TMEM45A: variants seen among roughly 807,000 people sequenced by gnomAD.
TMEM45A encodes the protein transmembrane protein 45A, also known as DNA polymerase-transactivated protein 4.
Under a neutral mutation model 32.0 loss-of-function variants are expected in TMEM45A, and 25 were observed. The observed-to-expected ratio is 0.78, with a 90% CI of 0.57 to 1.09. The LOEUF is 1.09. Among genes scored for constraint, TMEM45A ranks in the 50% least tolerant of loss-of-function variants. The pLI is 0.00. For missense variants in TMEM45A, 302 were observed against 325.0 expected, an observed-to-expected ratio of 0.93 and a Z score of 0.54; for synonymous variants, 122 against 114.8, an observed-to-expected ratio of 1.06 and a Z score of -0.40.
At chr3:100,523,384 T>C (rs1705472672) in intron 1 of TMEM45A, among the ~76,000 whole-genome samples, 1 of 152,208 alleles carries the variant, frequency 6.6e-6, no homozygotes, top group Non-Finnish European at 1.5e-5. Flanking sequence ...TTCATTCATT[T>C]ATTTACTCGT....
intron 1 of TMEM45A, among the ~76,000 whole-genome samples, chr3:100,548,229 G>A (rs865944950): frequency 1.6e-4 from 25 of 152,092 alleles, no homozygotes; most frequent in African/African-American, 5.8e-4. Flanking sequence ...GAACACATCC[G>A]GGCTTATGAC....
At chr3:100,544,255 C>T (rs892945948) in intron 1 of TMEM45A, among the ~76,000 whole-genome samples, 1 of 152,146 alleles carries the variant, frequency 6.6e-6, no homozygotes, top group Non-Finnish European at 1.5e-5. Context: ...TGAGTCTTAT[C>T]TGCATAATCT....
At chr3:100,536,473 T>C (rs138816666) in intron 1 of TMEM45A, among the ~76,000 whole-genome samples, 1 of 152,348 alleles carries the variant, frequency 6.6e-6, no homozygotes, top group East Asian at 1.9e-4. Context: ...AAAGACCTTG[T>C]CTATGTCCTG....
intron 1 of TMEM45A, among the ~76,000 whole-genome samples, chr3:100,521,336 C>G (rs11708520): frequency 1.4e-4 from 21 of 151,792 alleles, no homozygotes; most frequent in Non-Finnish European, 2.5e-4. Context: ...CTCACCGCAA[C>G]CTCTGCCTCC....
chr3:100,500,220 G>T (rs1242345568), intron 1 of TMEM45A, among the ~76,000 whole-genome samples: 1 of 151,956 alleles, frequency 6.6e-6, no homozygotes. Flanking sequence ...ATATACATGG[G>T]ACCATATTTT....
intron 1 of TMEM45A, among the ~76,000 whole-genome samples, chr3:100,511,986 G>T (rs1197424554): frequency 6.6e-6 from 1 of 151,942 alleles, no homozygotes; most frequent in Non-Finnish European, 1.5e-5. Flanking sequence ...AATCCTGAGT[G>T]ACCTACAAAG....
intron 1 of TMEM45A, among the ~76,000 whole-genome samples, chr3:100,552,316 G>A (rs563581191): frequency 6.6e-6 from 1 of 152,266 alleles, no homozygotes; most frequent in East Asian, 1.9e-4. Flanking sequence ...AGAGGCTATT[G>A]AGGAGGACAG....
At chr3:100,518,413 C>T (rs752077771) in intron 1 of TMEM45A, among the ~76,000 whole-genome samples, 6 of 152,170 alleles carry the variant, frequency 3.9e-5, no homozygotes, top group Non-Finnish European at 5.9e-5. Context: ...TCTAGTACAA[C>T]TTGCATACTT....
At chr3:100,542,603 C>T (rs1483382487) in intron 1 of TMEM45A, among the ~76,000 whole-genome samples, 1 of 152,156 alleles carries the variant, frequency 6.6e-6, no homozygotes, top group Non-Finnish European at 1.5e-5. Flanking sequence ...ACATTCATCA[C>T]AGCACCATTC....
chr3:100,565,035 T>C (rs1169722926), intron 4 of TMEM45A, among the ~76,000 whole-genome samples: 2 of 152,152 alleles, frequency 1.3e-5, no homozygotes, highest in African/African-American at 4.8e-5. Context: ...GAAAAGAGTA[T>C]GGGTGGGAGA....
intron 2 of TMEM45A, among the ~76,000 whole-genome samples, 170 bp downstream of exon 2, chr3:100,555,571 G>A (rs1281726656): frequency 6.6e-6 from 1 of 152,130 alleles, no homozygotes; most frequent in Non-Finnish European, 1.5e-5. Context: ...AGTTATTATG[G>A]AAAAGCTTCA....
At chr3:100,537,893 G>A (rs1265340640) in intron 1 of TMEM45A, among the ~76,000 whole-genome samples, 2 of 152,224 alleles carry the variant, frequency 1.3e-5, no homozygotes, top group Non-Finnish European at 2.9e-5. Context: ...GGGTGCCTGT[G>A]ACTGCGCTGA....
chr3:100,537,288 C>A (rs116736513), intron 1 of TMEM45A, among the ~76,000 whole-genome samples: 1,731 of 152,092 alleles, frequency 0.011, 24 homozygotes, highest in African/African-American at 0.039. Flanking sequence ...GGGGGAAAGA[C>A]GTCTTCTAGT....
At chr3:100,548,651 T>C (rs1393469631) in intron 1 of TMEM45A, among the ~76,000 whole-genome samples, 1 of 152,176 alleles carries the variant, frequency 6.6e-6, no homozygotes, top group Non-Finnish European at 1.5e-5. Context: ...TCCATAGAAC[T>C]TGTAATTAGT....
chr3:100,512,780 T>A (rs1224792480), intron 1 of TMEM45A, among the ~76,000 whole-genome samples: 1 of 150,646 alleles, frequency 6.6e-6, no homozygotes, highest in Non-Finnish European at 1.5e-5. Context: ...CAATAAAAAA[T>A]GATAAAGGGG....
At chr3:100,523,928 C>A (rs530522216) in intron 1 of TMEM45A, among the ~76,000 whole-genome samples, 1 of 152,156 alleles carries the variant, frequency 6.6e-6, no homozygotes, top group Non-Finnish European at 1.5e-5. Flanking sequence ...AGCTAGAGAG[C>A]GGAACTTCAA....
At chr3:100,516,645 T>C (rs1015417178) in intron 1 of TMEM45A, among the ~76,000 whole-genome samples, 2 of 152,208 alleles carry the variant, frequency 1.3e-5, no homozygotes, top group East Asian at 1.9e-4. Context: ...CAGGTTCTCA[T>C]TGACACAGAA....
At chr3:100,549,368 T>C (rs1360319243) in intron 1 of TMEM45A, among the ~76,000 whole-genome samples, 2 of 152,244 alleles carry the variant, frequency 1.3e-5, no homozygotes, top group Admixed American at 1.3e-4. Context: ...ATTATGTTAC[T>C]GCTGCTCTAA....
intron 5 of TMEM45A, among the ~76,000 whole-genome samples, chr3:100,575,319 T>C (rs1272432328): frequency 1.3e-5 from 2 of 151,476 alleles, no homozygotes; most frequent in Non-Finnish European, 2.9e-5. Context: ...CATCTTCTAG[T>C]GTCAAAAATT....
Sources: allele counts gnomAD v4.1 joint callset (sites outside exome capture counted in the v4.1 genomes callset), GRCh38; gene constraint gnomAD v4.1.1; transcripts MANE v1.5; gene names NCBI Gene and HGNC (gene_info 2026-07-23, HGNC 2026-07-21).